CST11: variants seen among roughly 807,000 people sequenced by gnomAD.
CST11 encodes the protein cystatin 11.
In CST11, 13 loss-of-function variants were observed where a neutral mutation model predicts 14.0. The observed-to-expected ratio is 0.93, with a 90% confidence interval of 0.60 to 1.47. The LOEUF is 1.47. Ranked by LOEUF, CST11 falls within the 40% of genes most tolerant of loss-of-function variation. The pLI is 0.00. For missense variants in CST11, 181 were observed against 160.0 expected (o/e 1.13, Z -0.71); for synonymous variants, 64 against 57.8 (o/e 1.11, Z -0.48).
chr20:23,452,782 C>G lies in CST11; in HGVS notation c.30G>C (p.Gln10His). 1 of 1,614,078 alleles carries G rather than the reference C, an allele frequency of 6.2e-7. No individual in the cohort carries two copies. The highest frequency in any genetic ancestry group is 1.7e-5 in the Admixed American group (1 of 60,014). The change falls in exon 1 of 3, where the codon CAG (glutamine) becomes CAC (histidine). Residue 10 changes from glutamine to histidine, a missense_variant. Transcript: ENST00000377009. ...GAGTCAATAGAATGGCCAACAGGAG[C>G]TGTAGGGCCTGCCAGGGCTCAGCCA... MMAEPWQAL[Q>H]LLLAILLTLM...
At position 23,451,146 on chromosome 20, in the gene CST11, A is replaced by C. The variant is rs1338228770; in HGVS notation, c.334-557T>G. 2.0e-5 allele frequency among the ~76,000 whole-genome samples: 3 copies of C among 151,802 alleles called. No individual in the cohort carries two copies. In the East Asian group the frequency reaches 5.8e-4, roughly 29 times the overall value. ...TATCCCTCCTTCCATCCACCCATCC[A>C]TCTTTACTTCCTGACTTTGCTTCCT... On this transcript the variant is annotated intron_variant, in intron 2 of 2. Transcript: ENST00000377009.
At chr20:23,451,687 G>A (rs2123326848) in intron 2 of CST11, 129 bp downstream of exon 2, 1 of 628,976 alleles carries the variant, frequency 1.6e-6, no homozygotes, top group Non-Finnish European at 2.8e-6. Flanking sequence ...GGAAGGAGGT[G>A]TTACCCATGC....
Position 23,452,764 on chromosome 20 carries a change from T to C in CST11, c.48A>G (p.Leu16=), listed in dbSNP as rs757399085. 10 of 1,614,106 alleles carry C rather than the reference T, an allele frequency of 6.2e-6. No individual in the cohort carries two copies. The highest frequency in any genetic ancestry group is 7.6e-6 in the Non-Finnish European group (9 of 1,180,018). The change falls in exon 1 of 3, where the codon CTA becomes CTG. Residue 16 remains leucine (L), a synonymous_variant. Transcript: ENST00000377009. ...WQALQLLLAI[L]LTLMALPYQA... ...GGTAGGGGAGGGCCATCAGAGTCAATAGAATGGCCAACAGGAGCTGTAGGG... is the reference window on the plus strand; with the variant it reads ...GGTAGGGGAGGGCCATCAGAGTCAACAGAATGGCCAACAGGAGCTGTAGGG...
chr20:23,451,002 GTCCA>G (rs1987072188), intron 2 of CST11, among the ~76,000 whole-genome samples: 1 of 150,542 alleles, frequency 6.6e-6, no homozygotes, highest in South Asian at 2.1e-4. Flanking sequence ...CCATCCATTT[GTCCA>G]TCCATTTATC....
Position 23,452,816 on chromosome 20 carries a change from C to A in CST11, c.-5G>T. The A allele has an allele frequency of 6.2e-7, 1 of 1,609,280 alleles. No individual in the cohort carries two copies. On this transcript the variant is annotated 5_prime_UTR_variant, in exon 1 of 3. Coordinates refer to ENST00000377009, the MANE Select transcript of CST11 (RefSeq NM_130794.2). Reference sequence around the variant, plus strand: ...CTGCCAGGGCTCAGCCATCATCCTTCAGCTGCAGAGGAACAGGAAGAGTGT... The same window carrying A: ...CTGCCAGGGCTCAGCCATCATCCTTAAGCTGCAGAGGAACAGGAAGAGTGT...
At chr20:23,450,967 T>G (rs1309667479) in intron 2 of CST11, among the ~76,000 whole-genome samples, 1 of 152,108 alleles carries the variant, frequency 6.6e-6, no homozygotes, top group Non-Finnish European at 1.5e-5. Context: ...TATTTATCCC[T>G]CCATTCATCT....
chr20:23,452,513 A>C, intron 1 of CST11, 71 bp downstream of exon 1: 2 of 938,952 alleles, frequency 2.1e-6, no homozygotes, highest in Non-Finnish European at 3.5e-6. Context: ...GAGTGGGACT[A>C]TTCCTGACAC....
rs1240821715 is a variant in CST11 at position 23,452,813 on chromosome 20, C to T, written c.-2G>A. 1.2e-6 allele frequency: 2 copies of T among 1,611,092 alleles called. No homozygotes were observed. The highest frequency in any genetic ancestry group is 1.7e-5 in the Admixed American group (1 of 59,756). ...GGCCTGCCAGGGCTCAGCCATCATC[C>T]TTCAGCTGCAGAGGAACAGGAAGAG... On this transcript the variant is annotated 5_prime_UTR_variant, in exon 1 of 3. Coordinates refer to ENST00000377009, the MANE Select transcript of CST11 (RefSeq NM_130794.2).
intron 1 of CST11, among the ~76,000 whole-genome samples, chr20:23,452,269 G>A (rs1027302672): frequency 2.6e-5 from 4 of 152,086 alleles, no homozygotes; most frequent in Non-Finnish European, 5.9e-5. Context: ...TACTCAGTTC[G>A]GCATGAGTGT....
At chr20:23,452,019 G>A in intron 1 of CST11, 99 bp from the exon 2 acceptor site, 1 of 818,580 alleles carries the variant, frequency 1.2e-6, no homozygotes, top group East Asian at 2.5e-5. Context: ...CCAAGGGCAA[G>A]GAGCTGGTCC....
rs370761146 is a variant in CST11, at chr20:23,452,579, C to T, written c.228+5G>A. 41 of 1,592,024 alleles carry T rather than the reference C, an allele frequency of 2.6e-5. No individual in the cohort carries two copies. Among genetic ancestry groups the T allele is most frequent in the Non-Finnish European group, 3.0e-5 (35 of 1,160,036 alleles). ...CTGGGGAGAGGCGGGAAGTCATACA[C>T]TCACCTGCCTCTGGACTTTAAGGAC... is the stretch of plus-strand genomic sequence containing the variant. On this transcript the variant is annotated splice_donor_5th_base_variant and intron_variant, in intron 1 of 2. Coordinates refer to ENST00000377009, the MANE Select transcript of CST11 (RefSeq NM_130794.2).
chr20:23,452,780 A>G lies in CST11; in HGVS notation c.32T>C (p.Leu11Pro). 1 of 1,614,036 alleles carries G rather than the reference A, an allele frequency of 6.2e-7. No individual in the cohort carries two copies. Among genetic ancestry groups the G allele is most frequent in the Non-Finnish European group, 8.5e-7 (1 of 1,179,972 alleles). Reference sequence around the variant, plus strand: ...CAGAGTCAATAGAATGGCCAACAGGAGCTGTAGGGCCTGCCAGGGCTCAGC... The same window carrying G: ...CAGAGTCAATAGAATGGCCAACAGGGGCTGTAGGGCCTGCCAGGGCTCAGC... MMAEPWQALQ[L>P]LLAILLTLMA... The change falls in exon 1 of 3, where the codon CTC (leucine) becomes CCC (proline). Residue 11 changes from leucine (L) to proline (P), a missense_variant. By Grantham distance (98) the Leu-to-Pro change is moderately conservative (BLOSUM62 -3). Coordinates refer to ENST00000377009, the MANE Select transcript of CST11 (RefSeq NM_130794.2).
chr20:23,450,838 A>G (rs755563851), intron 2 of CST11, among the ~76,000 whole-genome samples: 11 of 152,218 alleles, frequency 7.2e-5, no homozygotes, highest in Non-Finnish European at 1.5e-4. Context: ...CATATTCACC[A>G]TGGGTACTGC....
At position 23,450,486 on chromosome 20, in the gene CST11, A is replaced by C. The variant is rs770832052; in HGVS notation, c.*20T>G. On this transcript the variant is annotated 3_prime_UTR_variant, in exon 3 of 3. Coordinates refer to ENST00000377009, the MANE Select transcript of CST11 (RefSeq NM_130794.2). ...GGATTCTCTCACATGCAGTGGCCGC[A>C]GTTGTACACTCCAGGACACCTAGTC... 2 of 1,559,650 alleles carry C rather than the reference A, an allele frequency of 1.3e-6. No individual in the cohort carries two copies. Among genetic ancestry groups the C allele is most frequent in the East Asian group, 4.5e-5 (2 of 44,246 alleles).
intron 2 of CST11, among the ~76,000 whole-genome samples, chr20:23,451,297 T>TGGC (rs11471498): frequency 0.27 from 40,967 of 151,874 alleles, 7,772 homozygotes; most frequent in African/African-American, 0.53. Context: ...TCGGGGGTGG[T>TGGC]GGCTTCCCAG....
At chr20:23,452,491 T>C (rs1987119878) in intron 1 of CST11, 93 bp downstream of exon 1, 1 of 814,198 alleles carries the variant, frequency 1.2e-6, no homozygotes, top group African/African-American at 1.7e-5. Flanking sequence ...TAAGCAAGGT[T>C]GAATTTCCCT....
chr20:23,450,895 C>T (rs1294661722), intron 2 of CST11, among the ~76,000 whole-genome samples: 3 of 152,162 alleles, frequency 2.0e-5, no homozygotes, highest in Middle Eastern at 3.4e-3. Flanking sequence ...TTAAACTTCA[C>T]TTCTTCCCTT....
chr20:23,450,523 T>A lies in CST11; in HGVS notation c.400A>T (p.Ser134Cys). ...WFEQYKILNK[S>C]CSSD The stretch of plus-strand genomic sequence containing the variant: ...CAGGACACCTAGTCACTGCTGCAGC[T>A]TTTGTTCAAAATTTTGTACTGTTCA... Residue 134 changes from serine (S) to cysteine (C), a missense_variant, in exon 3 of 3, where the codon AGC (serine) becomes TGC (cysteine). Coordinates refer to ENST00000377009, the MANE Select transcript of CST11 (RefSeq NM_130794.2). 1 of 1,611,948 alleles carries A rather than the reference T, an allele frequency of 6.2e-7. No homozygotes were observed. The highest frequency in any genetic ancestry group is 1.1e-5 in the South Asian group (1 of 90,918).
intron 2 of CST11, among the ~76,000 whole-genome samples, chr20:23,451,325 A>G (rs1987082075): frequency 1.3e-5 from 2 of 152,098 alleles, no homozygotes; most frequent in Non-Finnish European, 2.9e-5. Flanking sequence ...CACGCATGCA[A>G]GTTTGTGCCC....
Sources: gnomAD v4.1 joint callset for allele counts (sites outside exome capture counted in the v4.1 genomes callset) on GRCh38, gnomAD v4.1.1 for gene constraint, MANE v1.5 for transcripts, NCBI Gene and HGNC (gene_info 2026-07-23, HGNC 2026-07-21) for gene names.